PAK3: variants seen among roughly 807,000 people sequenced by gnomAD.
The protein encoded by PAK3 is serine/threonine-protein kinase PAK 3.
Under a neutral mutation model 41.0 loss-of-function variants are expected in PAK3, and 4 were observed. The observed-to-expected ratio is 0.10, with a 90% CI of 0.05 to 0.22. PAK3 has a LOEUF of 0.22. PAK3 is among the 10% of genes least tolerant of loss of function. PAK3 has a pLI of 1.00. For synonymous variants in PAK3, 146 were observed against 139.6 expected (o/e 1.05, Z -0.32); for missense variants, 205 against 409.9 (o/e 0.50, Z 4.32).
Position 111,222,155 on chromosome X carries a change from G to T in PAK3, c.*1708G>T, listed in dbSNP as rs1569476820. 8.9e-6 allele frequency: 1 copy of T among 111,934 alleles called. No individual in the cohort carries two copies. The highest frequency in any genetic ancestry group is 1.9e-5 in the Non-Finnish European group (1 of 53,139). The allele number at this position is 111,934 out of a possible 1,213,427, so 9.2% of individuals were successfully genotyped here. ...AGGCTTCTTAATTTGCAGTATAAAA[G>T]AATCTAAACAGAACTTATGTACATT... On this transcript the variant is annotated 3_prime_UTR_variant, in exon 18 of 18. Transcript: ENST00000372007.
chrX:110,973,440 C>A (rs956912087), intron 1 of PAK3, among the ~76,000 whole-genome samples: 15 of 111,945 alleles, frequency 1.3e-4, no homozygotes, highest in Non-Finnish European at 2.4e-4. Context: ...ATTTCCAACC[C>A]AGAATTTCAT....
chrX:110,963,338 C>A (rs1196185738), intron 1 of PAK3, among the ~76,000 whole-genome samples: 1 of 112,084 alleles, frequency 8.9e-6, no homozygotes, highest in Non-Finnish European at 1.9e-5. Flanking sequence ...CCAGTGAGCT[C>A]TTTGTTCTCA....
chrX:110,950,525 G>A (rs1303995153), intron 1 of PAK3, among the ~76,000 whole-genome samples: 1 of 111,406 alleles, frequency 9.0e-6, no homozygotes, highest in Non-Finnish European at 1.9e-5. Flanking sequence ...CATCATCTAG[G>A]TTTTAAGCCC....
At chrX:111,151,725 A>G (rs944828353) in intron 7 of PAK3, among the ~76,000 whole-genome samples, 1 of 112,195 alleles carries the variant, frequency 8.9e-6, no homozygotes, top group Non-Finnish European at 1.9e-5. Context: ...AACAACAATA[A>G]CCAATAATAA....
chrX:111,127,296 T>A (rs750839953), intron 5 of PAK3, among the ~76,000 whole-genome samples: 20 of 111,810 alleles, frequency 1.8e-4, no homozygotes, highest in Middle Eastern at 4.6e-3. Context: ...CCATTGTAAT[T>A]TCACAATGTC....
intron 7 of PAK3, among the ~76,000 whole-genome samples, chrX:111,151,572 T>C (rs1020045839): frequency 2.7e-5 from 3 of 111,888 alleles, no homozygotes; most frequent in South Asian, 3.8e-4. Flanking sequence ...AGAGTAGTTC[T>C]CCACTTATCC....
chrX:111,052,919 G>A lies in PAK3; in HGVS notation c.-27-70158G>A, dbSNP rs369143266. Among the ~76,000 whole-genome samples, 661 of 112,080 alleles carry A rather than the reference G, an allele frequency of 5.9e-3. 2 individuals carry two copies. Among genetic ancestry groups the A allele is most frequent in the Middle Eastern group, 0.014 (3 of 216 alleles). Reference sequence around the variant, plus strand: ...AGCATATATTGGTGTATCATATACCGTTATTAAATAATAAGCCATATTATA... The same window carrying A: ...AGCATATATTGGTGTATCATATACCATTATTAAATAATAAGCCATATTATA... On this transcript the variant is annotated intron_variant, in intron 1 of 14. Transcript: ENST00000425146.
At chrX:111,013,911 A>G (rs1230556634) in intron 1 of PAK3, 2 of 111,935 alleles carry the variant, frequency 1.8e-5, no homozygotes, top group Non-Finnish European at 3.8e-5. Context: ...GTACACTTGA[A>G]TGGTCTCTGT....
At chrX:110,990,944 C>G (rs1332049265) in intron 1 of PAK3, among the ~76,000 whole-genome samples, 2 of 110,286 alleles carry the variant, frequency 1.8e-5, no homozygotes, top group Non-Finnish European at 3.8e-5. Flanking sequence ...CCATTGGCAA[C>G]ATAGCAAAAC....
rs995029596 is a variant in PAK3 at position 111,014,468 on chromosome X, T to C, written c.-28+69840T>C. 3.6e-5 allele frequency among the ~76,000 whole-genome samples: 4 copies of C among 111,762 alleles called. No homozygotes were observed. The South Asian group carries it at 1.1e-3, about 32-fold the overall frequency. ...AGAAAGTAGGGAAGCTCTGGGCCCC[T>C]TGCTCCTGGCAGAACCCTTGGTCCT... On this transcript the variant is annotated intron_variant, in intron 1 of 14. Coordinates refer to the PAK3 transcript ENST00000425146.
intron 16 of PAK3, among the ~76,000 whole-genome samples, chrX:111,198,150 G>A (rs765293222): frequency 5.4e-5 from 6 of 112,077 alleles, no homozygotes; most frequent in Middle Eastern, 4.6e-3. Flanking sequence ...GTCTGTTCAC[G>A]TCTTTTGTCC....
chrX:111,028,911 T>A (rs959024821), intron 1 of PAK3, among the ~76,000 whole-genome samples: 3 of 110,749 alleles, frequency 2.7e-5, no homozygotes, highest in Admixed American at 9.6e-5. Flanking sequence ...GGCCAGACGA[T>A]TGCTTCAGGC....
intron 11 of PAK3, among the ~76,000 whole-genome samples, chrX:111,191,485 C>T (rs1254834844): frequency 9.0e-6 from 1 of 111,655 alleles, no homozygotes; most frequent in East Asian, 2.8e-4. Flanking sequence ...AATAAGAAAA[C>T]AATGGCTCAA....
intron 17 of PAK3, among the ~76,000 whole-genome samples, chrX:111,219,235 T>TAATAATAATAATAAG (rs1380610093): frequency 3.9e-5 from 4 of 102,414 alleles, no homozygotes; most frequent in African/African-American, 1.5e-4. Flanking sequence ...ATAATAATAA[T>TAATAATAATAATAAG]AAGCAAGAGA....
intron 11 of PAK3, 45 bp from the exon 12 acceptor site, chrX:111,192,082 T>G (rs2094565410): frequency 3.9e-6 from 3 of 778,351 alleles, no homozygotes; most frequent in South Asian, 2.1e-5. Context: ...AATATATTGG[T>G]AACAGCTTGA....
At chrX:110,946,736 G>A (rs1235750061) in intron 1 of PAK3, among the ~76,000 whole-genome samples, 1 of 112,064 alleles carries the variant, frequency 8.9e-6, no homozygotes, top group Non-Finnish European at 1.9e-5. Flanking sequence ...CTCATTCTGT[G>A]GATGTTTAAT....
At chrX:111,192,370 G>T in intron 12 of PAK3, 136 bp from the exon 13 acceptor site, 2 of 528,023 alleles carry the variant, frequency 3.8e-6, no homozygotes, top group Middle Eastern at 4.8e-4. Flanking sequence ...AAAAGTGGGG[G>T]GCATGTGTTT....
At chrX:111,198,234 C>T (rs2094637398) in intron 16 of PAK3, among the ~76,000 whole-genome samples, 2 of 112,153 alleles carry the variant, frequency 1.8e-5, no homozygotes, top group Non-Finnish European at 3.8e-5. Flanking sequence ...AGATCTTCGT[C>T]AGATGCATAG....
intron 16 of PAK3, 127 bp downstream of exon 16, chrX:111,196,767 G>T: frequency 2.4e-6 from 1 of 414,041 alleles, no homozygotes; most frequent in Non-Finnish European, 4.2e-6. Context: ...GAAGCACCAA[G>T]TTATAATTTT....
Sources: allele counts gnomAD v4.1 joint callset (sites outside exome capture counted in the v4.1 genomes callset), GRCh38; gene constraint gnomAD v4.1.1; transcripts MANE v1.5; gene names NCBI Gene and HGNC (gene_info 2026-07-23, HGNC 2026-07-21).